Variants in MOB3A observed in about 807,000 individuals in gnomAD.
MOB3A encodes the protein MOB LAK.
Under a neutral mutation model 17.8 loss-of-function variants are expected in MOB3A, and 17 were observed. The observed-to-expected ratio is 0.95, with a 90% CI of 0.65 to 1.43. The LOEUF (loss-of-function observed/expected upper bound fraction) is 1.43. Ranked by LOEUF, MOB3A falls within the 40% of genes most tolerant of loss-of-function variation. The pLI is 0.00. For synonymous variants in MOB3A, 124 were observed against 133.2 expected (o/e 0.93, Z 0.48); for missense variants, 333 against 310.8 (o/e 1.07, Z -0.54).
chr19:2,088,125 T>C (rs1401607516), intron 1 of MOB3A, among the ~76,000 whole-genome samples: 1 of 152,150 alleles, frequency 6.6e-6, no homozygotes, highest in Non-Finnish European at 1.5e-5. Context: ...CATTTGTGGT[T>C]GTCATAACTG....
chr19:2,078,914 A>G (rs1268447966), intron 2 of MOB3A, among the ~76,000 whole-genome samples: 1 of 152,032 alleles, frequency 6.6e-6, no homozygotes, highest in Non-Finnish European at 1.5e-5. Flanking sequence ...ACACACCACC[A>G]CACCTGGGTA....
intron 1 of MOB3A, among the ~76,000 whole-genome samples, chr19:2,092,865 G>T (rs1363044560): frequency 2.0e-5 from 3 of 151,892 alleles, no homozygotes. Context: ...TTTGTGTGCA[G>T]CCAGGCACAC....
chr19:2,093,801 G>C lies in MOB3A; in HGVS notation c.-274+2425C>G, dbSNP rs534163639. On this transcript the variant is annotated intron_variant, in intron 1 of 4. Transcript: ENST00000357066. The surrounding 1 kb of genome is among the most constrained non-coding windows in gnomAD (Gnocchi z 4.6). ...CGGGTGTTGCTTGAGGTGGGTGCCT[G>C]TGTCGTCCCTGGGGAAAGGGAAACA... Among the ~76,000 whole-genome samples the C allele has an allele frequency of 6.6e-6, 1 of 152,216 alleles. No individual in the cohort carries two copies. The highest frequency in any genetic ancestry group is 2.4e-5 in the African/African-American group (1 of 41,528).
intron 1 of MOB3A, among the ~76,000 whole-genome samples, chr19:2,090,552 A>G (rs575290610): frequency 3.1e-4 from 47 of 152,284 alleles, no homozygotes; most frequent in African/African-American, 1.1e-3. Context: ...GAATGACTCA[A>G]TACCCAGGGG....
intron 1 of MOB3A, among the ~76,000 whole-genome samples, chr19:2,094,703 C>A (rs991354518): frequency 5.5e-4 from 84 of 152,394 alleles, no homozygotes; most frequent in South Asian, 2.9e-3. Flanking sequence ...GCACTCCCCG[C>A]TGCCTATGCA....
At chr19:2,084,891 G>A (rs1429694747) in intron 2 of MOB3A, among the ~76,000 whole-genome samples, 1 of 148,168 alleles carries the variant, frequency 6.7e-6, no homozygotes, top group Non-Finnish European at 1.5e-5. Flanking sequence ...GCCCGGCCTA[G>A]TTTTTTTTTT....
Position 2,073,004 on chromosome 19 carries a change from C to T in MOB3A, c.*391G>A, listed in dbSNP as rs552733689. 1.2e-4 allele frequency: 29 copies of T among 246,138 alleles called. No homozygotes were observed. In the South Asian group the frequency reaches 1.8e-3, roughly 15 times the overall value. The allele number at this position is 246,138 out of a possible 1,614,324, so 15.2% of individuals were successfully genotyped here. On this transcript the variant is annotated 3_prime_UTR_variant, in exon 5 of 5. Coordinates refer to ENST00000357066, the MANE Select transcript of MOB3A (RefSeq NM_130807.3). ...ACAGGCCCAGGCAGGGCTGTGGCCA[C>T]AGCAGCCCTGGGGGCTCCCCAGCGA...
rs887824418 is a variant in MOB3A, at chr19:2,082,433, G to T, written c.-120+2742C>A. 6.6e-6 allele frequency among the ~76,000 whole-genome samples: 1 copy of T among 152,202 alleles called. No individual in the cohort carries two copies. The highest frequency in any genetic ancestry group is 1.5e-5 in the Non-Finnish European group (1 of 68,042). On this transcript the variant is annotated intron_variant, in intron 2 of 4. Coordinates refer to ENST00000357066, the MANE Select transcript of MOB3A (RefSeq NM_130807.3). The surrounding 1 kb of genome is among the most constrained non-coding windows in gnomAD (Gnocchi z 4.1). ...TTTGGGTTAAGATTAGATCGCCCTG[G>T]GTGAGATCGTGGCTCAGATGATTAT...
intron 1 of MOB3A, among the ~76,000 whole-genome samples, chr19:2,091,549 A>G (rs368946493): frequency 3.0e-4 from 45 of 151,614 alleles, no homozygotes; most frequent in African/African-American, 1.1e-3. Context: ...ACGCCCAGCT[A>G]ATTTTTGTAT....
In MOB3A at chr19:2,078,413, G is replaced by A. The variant is rs369959216; in HGVS notation, c.148C>T (p.Gln50Ter). 138 of 1,613,864 alleles carry A rather than the reference G, an allele frequency of 8.6e-5. No homozygotes were observed. The highest frequency in any genetic ancestry group is 1.7e-4 in the Admixed American group (10 of 59,994). The change falls in exon 3 of 5, where the codon CAG becomes TAG. Residue 50 changes from glutamine to a stop codon, truncating the protein, a stop_gained. Coordinates refer to ENST00000357066, the MANE Select transcript of MOB3A (RefSeq NM_130807.3). LOFTEE classifies it high-confidence loss of function. ...TTCAGGTCCTCGCCCGGGGGCAACT[G>A]CACGGCCAGCCGCAGGTCCAGCCCG... ...NAGLDLRLAV[Q>*]LPPGEDLNDW...
At position 2,078,399 on chromosome 19, in the gene MOB3A, G is replaced by A. The variant is rs200822597; in HGVS notation, c.162C>T (p.Gly54=). The change falls in exon 3 of 5, where the codon GGC becomes GGT. Residue 54 remains glycine (G), a synonymous_variant. Transcript: ENST00000357066. ...CAGCCACCCAGTCGTTCAGGTCCTC[G>A]CCCGGGGGCAACTGCACGGCCAGCC... ...DLRLAVQLPP[G]EDLNDWVAVH... 8.7e-6 allele frequency: 14 copies of A among 1,614,104 alleles called. No individual in the cohort carries two copies. Among genetic ancestry groups the A allele is most frequent in the Middle Eastern group, 3.3e-4 (2 of 6,062 alleles).
At chr19:2,073,909 T>C (rs1043007167) in intron 4 of MOB3A, among the ~76,000 whole-genome samples, 6 of 152,106 alleles carry the variant, frequency 3.9e-5, no homozygotes, top group African/African-American at 1.4e-4. Flanking sequence ...CAGGCACCTG[T>C]AATCCCAGCT....
At chr19:2,092,103 A>G (rs554991058) in intron 1 of MOB3A, among the ~76,000 whole-genome samples, 240 of 45,600 alleles carry the variant, frequency 5.3e-3, no homozygotes, top group Middle Eastern at 0.011. Flanking sequence ...TTTTTTTTTT[A>G]GCTGCCTGTT....
At chr19:2,088,748 A>G (rs1421526162) in intron 1 of MOB3A, among the ~76,000 whole-genome samples, 1 of 152,080 alleles carries the variant, frequency 6.6e-6, no homozygotes, top group African/African-American at 2.4e-5. Context: ...GATTACAGGC[A>G]TGAGCCACCA....
chr19:2,085,288 G>A lies in MOB3A; in HGVS notation c.-233C>T, dbSNP rs1010561004. ...ACACCAAGGCCTTCTGGGCTCCCCC[G>A]GTCTTCCCACGGACGAGACACAAGT... is the stretch of plus-strand genomic sequence containing the variant. On this transcript the variant is annotated 5_prime_UTR_variant, in exon 2 of 5. Transcript: ENST00000357066. 5 of 152,004 alleles carry A rather than the reference G, an allele frequency of 3.3e-5. No individual in the cohort carries two copies. The highest frequency in any genetic ancestry group is 6.6e-5 in the Admixed American group (1 of 15,240). 9.4% of individuals were successfully genotyped at this position (152,004 alleles called of 1,614,324 possible). A position where few individuals can be genotyped will look rare whatever the true frequency, so the allele number is the denominator to read the frequency against.
intron 4 of MOB3A, among the ~76,000 whole-genome samples, chr19:2,075,172 G>A (rs2017388853): frequency 6.6e-6 from 1 of 152,014 alleles, no homozygotes; most frequent in South Asian, 2.1e-4. Context: ...AGGACCACAG[G>A]CACGCACCAC....
rs185977461 is a variant in MOB3A at position 2,093,776 on chromosome 19, C to T, written c.-274+2450G>A. On this transcript the variant is annotated intron_variant, in intron 1 of 4. Transcript: ENST00000357066. The surrounding 1 kb of genome is among the most constrained non-coding windows in gnomAD (Gnocchi z 4.6). ...GGGAGCTGGGAAGGGTGCAGTGGAA[C>T]GGGTGTTGCTTGAGGTGGGTGCCTG... Among the ~76,000 whole-genome samples the T allele has an allele frequency of 3.9e-5, 6 of 152,222 alleles. No homozygotes were observed. Among genetic ancestry groups the T allele is most frequent in the Non-Finnish European group, 7.4e-5 (5 of 68,014 alleles).
rs2017632944 is a variant in MOB3A, at chr19:2,093,217, G to A, written c.-274+3009C>T. ...CTGTTGCCCAGGCTGGAGTGCAGTG[G>A]CGTGATCTTGGCTCACTGCAAGCTC... On this transcript the variant is annotated intron_variant, in intron 1 of 4. Coordinates refer to ENST00000357066, the MANE Select transcript of MOB3A (RefSeq NM_130807.3). The surrounding 1 kb of genome is among the most constrained non-coding windows in gnomAD (Gnocchi z 4.6). 6.6e-6 allele frequency among the ~76,000 whole-genome samples: 1 copy of A among 152,000 alleles called. No individual in the cohort carries two copies. The highest frequency in any genetic ancestry group is 2.4e-5 in the African/African-American group (1 of 41,376).
intron 1 of MOB3A, among the ~76,000 whole-genome samples, chr19:2,094,371 C>T (rs2017646515): frequency 6.6e-6 from 1 of 152,090 alleles, no homozygotes; most frequent in African/African-American, 2.4e-5. Flanking sequence ...CTGAAACAAC[C>T]AGCAAACCAA....
Sources: gnomAD v4.1 joint callset for allele counts (sites outside exome capture counted in the v4.1 genomes callset) on GRCh38, gnomAD v4.1.1 for gene constraint, Gnocchi (gnomAD v3.1) non-coding constraint, MANE v1.5 for transcripts, NCBI Gene and HGNC (gene_info 2026-07-23, HGNC 2026-07-21) for gene names.